CPAMD8: variants seen among roughly 807,000 people sequenced by gnomAD.
The protein encoded by CPAMD8 is C3 and PZP-like alpha-2-macroglobulin domain-containing protein 8.
Under a neutral mutation model 224.7 loss-of-function variants are expected in CPAMD8, and 146 were observed. The observed-to-expected ratio is 0.65, with a 90% CI of 0.57 to 0.75. CPAMD8 has a LOEUF of 0.75. Among genes scored for constraint, CPAMD8 ranks in the 30% least tolerant of loss-of-function variants. The pLI is 0.00. For synonymous variants in CPAMD8, 966 were observed against 1,044.6 expected (o/e 0.92, Z 1.45); for missense variants, 2,301 against 2,537.5 (o/e 0.91, Z 2.00).
chr19:16,945,395 C>A (rs999853627), intron 22 of CPAMD8, among the ~76,000 whole-genome samples, 154 bp downstream of exon 22: 1 of 152,148 alleles, frequency 6.6e-6, no homozygotes, highest in Non-Finnish European at 1.5e-5. Flanking sequence ...CAAGGAAGTA[C>A]CCGAAAGTCC....
intron 12 of CPAMD8, among the ~76,000 whole-genome samples, chr19:16,991,509 C>T (rs1308524517): frequency 1.3e-5 from 2 of 152,086 alleles, no homozygotes; most frequent in Non-Finnish European, 2.9e-5. Flanking sequence ...CAGGGCAGAT[C>T]TCTGGTTCCT....
In CPAMD8 at chr19:16,997,260, C is replaced by T. The variant is rs2056159594; in HGVS notation, c.946G>A (p.Val316Ile). ...ADVPEHFRGR[V>I]SIWAMVTSVD... The stretch of plus-strand genomic sequence containing the variant: ...CTGGTCACCATGGCCCAGATGCTGA[C>T]CCTGCCCCGGAAGTGCTCAGGGACG... Residue 316 changes from valine (V) to isoleucine (I), a missense_variant, in exon 11 of 42, where the codon GTC becomes ATC. Physicochemically the swap from Val to Ile is conservative, Grantham distance 29 (BLOSUM62 3). Around this residue, in one of 4 missense-constraint regions of CPAMD8, gnomAD observed 301 missense variants for 406.6 expected, o/e 0.74. Transcript: ENST00000443236. 6.4e-7 allele frequency: 1 copy of T among 1,565,060 alleles called. No homozygotes were observed. Among genetic ancestry groups the T allele is most frequent in the Non-Finnish European group, 8.8e-7 (1 of 1,138,438 alleles).
In CPAMD8 at chr19:16,903,850, C is replaced by A. The variant is rs2052361899; in HGVS notation, c.4259G>T (p.Cys1420Phe). The A allele has an allele frequency of 2.5e-6, 4 of 1,613,398 alleles. No individual in the cohort carries two copies. The highest frequency in any genetic ancestry group is 3.4e-6 in the Non-Finnish European group (4 of 1,179,968). Reference sequence around the variant, plus strand: ...TTCAGCCAAGGCCTGCAGAGCCACGCAGGTGTCCTGGGGATGGAGGAGGAG... The same window carrying A: ...TTCAGCCAAGGCCTGCAGAGCCACGAAGGTGTCCTGGGGATGGAGGAGGAG... ...LGGFSSTQDT[C>F]VALQALAEYA... The change falls in exon 33 of 42, where the codon TGC becomes TTC. Residue 1420 changes from cysteine (C) to phenylalanine (F), a missense_variant. By Grantham distance (205) the Cys-to-Phe change is radical (BLOSUM62 -2). Transcript: ENST00000443236.
At chr19:16,943,336 C>T (rs900740414) in intron 22 of CPAMD8, among the ~76,000 whole-genome samples, 4 of 152,046 alleles carry the variant, frequency 2.6e-5, no homozygotes, top group Non-Finnish European at 5.9e-5. Context: ...TTCTTTCACT[C>T]GGTATCACGT....
At chr19:17,015,822 C>A (rs546404595) in intron 3 of CPAMD8, among the ~76,000 whole-genome samples, 4 of 152,256 alleles carry the variant, frequency 2.6e-5, no homozygotes, top group South Asian at 2.1e-4. Context: ...GGGAGGCTGG[C>A]GGGCAAGAGA....
At chr19:16,909,371 C>G (rs978154629) in intron 29 of CPAMD8, among the ~76,000 whole-genome samples, 3 of 151,972 alleles carry the variant, frequency 2.0e-5, no homozygotes, top group African/African-American at 7.3e-5. Flanking sequence ...GGTGAAACCC[C>G]ATCTCTACTA....
chr19:17,004,455 G>T, intron 7 of CPAMD8, 69 bp from the exon 8 acceptor site: 1 of 990,990 alleles, frequency 1.0e-6, no homozygotes, highest in South Asian at 1.3e-5. Context: ...GGAAGAGGGA[G>T]CCAGGACCCT....
intron 41 of CPAMD8, chr19:16,894,948 AC>A: frequency 5.7e-6 from 1 of 176,556 alleles, no homozygotes; most frequent in Non-Finnish European, 1.2e-5. Context: ...ACACACACAC[AC>A]ACACACACAC....
At chr19:16,979,401 T>TCCATCCATCCAC (rs2055415251) in intron 14 of CPAMD8, among the ~76,000 whole-genome samples, 1 of 149,202 alleles carries the variant, frequency 6.7e-6, no homozygotes, top group African/African-American at 2.5e-5. Flanking sequence ...CATCCATCCA[T>TCCATCCATCCAC]CCATCCATCC....
intron 25 of CPAMD8, 26 bp from the exon 26 acceptor site, chr19:16,925,398 G>A: frequency 6.3e-7 from 1 of 1,585,346 alleles, no homozygotes; most frequent in Non-Finnish European, 8.7e-7. Flanking sequence ...AGAGAGTTGA[G>A]TTGGGGGCTG....
intron 1 of CPAMD8, among the ~76,000 whole-genome samples, chr19:17,023,283 A>C (rs540721081): frequency 1.3e-5 from 2 of 152,246 alleles, no homozygotes; most frequent in South Asian, 4.1e-4. Context: ...AGCCAGGCAG[A>C]AGAGGGCACT....
At chr19:17,002,910 C>CT (rs34659000) in intron 8 of CPAMD8, among the ~76,000 whole-genome samples, 31 of 134,492 alleles carry the variant, frequency 2.3e-4, no homozygotes, top group South Asian at 6.8e-4. Context: ...CTTTTCTTTT[C>CT]TTTTTTTTTT....
At chr19:16,975,464 G>A (rs1314354789) in intron 16 of CPAMD8, among the ~76,000 whole-genome samples, 3 of 152,114 alleles carry the variant, frequency 2.0e-5, no homozygotes, top group South Asian at 4.1e-4. Context: ...CCCAGTTACT[G>A]GGGAGGCTGA....
intron 19 of CPAMD8, among the ~76,000 whole-genome samples, chr19:16,955,654 A>ATTT (rs2122430634): frequency 6.6e-6 from 1 of 152,254 alleles, no homozygotes; most frequent in East Asian, 1.9e-4. Context: ...TTTCACCATA[A>ATTT]TTTTTTAAAC....
chr19:16,902,151 C>T (rs1397786117), intron 35 of CPAMD8, among the ~76,000 whole-genome samples: 1 of 152,110 alleles, frequency 6.6e-6, no homozygotes, highest in East Asian at 1.9e-4. Flanking sequence ...AGCCACACAT[C>T]GCTGTCCCCA....
intron 19 of CPAMD8, among the ~76,000 whole-genome samples, chr19:16,955,992 T>G (rs912058269): frequency 6.6e-6 from 1 of 152,122 alleles, no homozygotes; most frequent in African/African-American, 2.4e-5. Context: ...ACGGGTGTGG[T>G]TTAAAAGAGA....
intron 13 of CPAMD8, among the ~76,000 whole-genome samples, chr19:16,987,179 A>AAAAAAT (rs1555784836): frequency 9.3e-4 from 50 of 53,912 alleles, no homozygotes; most frequent in Non-Finnish European, 1.1e-3. Flanking sequence ...AAAAAAAAAA[A>AAAAAAT]ATATATATAT....
intron 19 of CPAMD8, among the ~76,000 whole-genome samples, chr19:16,954,836 A>G (rs752288574): frequency 2.6e-5 from 4 of 152,014 alleles, no homozygotes; most frequent in Non-Finnish European, 4.4e-5. Context: ...ACAAAAAATT[A>G]GCTAGGCATT....
rs1295206444 is a variant in CPAMD8 at position 17,026,533 on chromosome 19, T to A, written c.92+18A>T. ...CCCAGAAGGCGACCGACCTCCTCTG[T>A]CGCCGGAGGATACTCACGGGGCCTG... On this transcript the variant is annotated intron_variant, in intron 1 of 41. Coordinates refer to ENST00000443236, the MANE Select transcript of CPAMD8 (RefSeq NM_015692.5). 1 of 1,487,074 alleles carries A rather than the reference T, an allele frequency of 6.7e-7. No homozygotes were observed. Among genetic ancestry groups the A allele is most frequent in the South Asian group, 1.3e-5 (1 of 79,236 alleles). The allele number at this position is 1,487,074 out of a possible 1,614,324, so 92.1% of individuals were successfully genotyped here. A position where few individuals can be genotyped will look rare whatever the true frequency, so the allele number is the denominator to read the frequency against.
Sources: allele counts gnomAD v4.1 joint callset (sites outside exome capture counted in the v4.1 genomes callset), GRCh38; gene constraint gnomAD v4.1.1; regional missense constraint gnomAD v4.1.1; transcripts MANE v1.5; gene names NCBI Gene and HGNC (gene_info 2026-07-23, HGNC 2026-07-21).